Variants in MRPS18A observed in about 807,000 individuals in gnomAD.
The protein encoded by MRPS18A is large ribosomal subunit protein mL66.
A neutral mutation model predicts 22.7 loss-of-function variants in MRPS18A; 20 were observed. The observed-to-expected ratio is 0.88, with a 90% CI of 0.62 to 1.28. The LOEUF is 1.28. Ranked by LOEUF, MRPS18A falls within the 50% of genes most tolerant of loss-of-function variation. The pLI is 0.00. For synonymous variants in MRPS18A, 106 were observed against 99.1 expected, an observed-to-expected ratio of 1.07 and a Z score of -0.41; for missense variants, 294 against 262.6, an observed-to-expected ratio of 1.12 and a Z score of -0.83.
intron 2 of MRPS18A, among the ~76,000 whole-genome samples, chr6:43,679,599 T>C (rs1160711444): frequency 6.6e-6 from 1 of 152,134 alleles, no homozygotes; most frequent in Non-Finnish European, 1.5e-5. Context: ...GAGGGGAGTT[T>C]AGAAAGCCTG....
intron 1 of MRPS18A, among the ~76,000 whole-genome samples, chr6:43,685,403 G>A (rs1019292900): frequency 2.0e-5 from 3 of 152,190 alleles, no homozygotes; most frequent in African/African-American, 7.2e-5. Context: ...TTTTGGGCCA[G>A]ATGGTTCTTT....
intron 4 of MRPS18A, 81 bp downstream of exon 4, chr6:43,675,413 G>A: frequency 6.2e-7 from 1 of 1,610,350 alleles, no homozygotes; most frequent in Admixed American, 1.7e-5. Flanking sequence ...TTTCTTCCAG[G>A]AGGGGCTGAA....
Position 43,673,325 on chromosome 6 carries a change from A to G in MRPS18A, c.447-1419T>C, listed in dbSNP as rs1328986654. Among the ~76,000 whole-genome samples the G allele has an allele frequency of 6.6e-6, 1 of 152,132 alleles. No homozygotes were observed. Among genetic ancestry groups the G allele is most frequent in the Non-Finnish European group, 1.5e-5 (1 of 68,000 alleles). On this transcript the variant is annotated intron_variant, in intron 5 of 5. Coordinates refer to ENST00000372133, the MANE Select transcript of MRPS18A (RefSeq NM_018135.4). The surrounding 1 kb of genome is among the most constrained non-coding windows in gnomAD (Gnocchi z 4.2). ...TCTAGGTGACAGAAGAGTAAGGTAAAGGGAGGGGACCAGGGATGGCCCCTT... is the reference window on the plus strand; with the variant it reads ...TCTAGGTGACAGAAGAGTAAGGTAAGGGGAGGGGACCAGGGATGGCCCCTT...
chr6:43,672,142 C>T (rs1299966835), intron 5 of MRPS18A: 2 of 587,590 alleles, frequency 3.4e-6, no homozygotes, highest in Non-Finnish European at 6.2e-6. Flanking sequence ...CAGCCCAGGG[C>T]CACAAGCTCC....
chr6:43,675,637 G>T lies in MRPS18A; in HGVS notation c.253-20C>A, dbSNP rs758378864. ...AACATCCTAGTGGAAACCGAAAATAGGGGATGAGGGTCAGCTGGGCTTGCT... is the reference window on the plus strand; with the variant it reads ...AACATCCTAGTGGAAACCGAAAATATGGGATGAGGGTCAGCTGGGCTTGCT... On this transcript the variant is annotated intron_variant, in intron 3 of 5. Coordinates refer to ENST00000372133, the MANE Select transcript of MRPS18A (RefSeq NM_018135.4). The T allele has an allele frequency of 3.1e-6, 5 of 1,590,080 alleles. No individual in the cohort carries two copies. The highest frequency in any genetic ancestry group is 2.2e-5 in the East Asian group (1 of 44,626).
intron 2 of MRPS18A, among the ~76,000 whole-genome samples, chr6:43,680,240 T>TG (rs1774318054): frequency 7.1e-6 from 1 of 141,132 alleles, no homozygotes; most frequent in African/African-American, 2.7e-5. Context: ...CCTAAGGGGA[T>TG]TGGGGGGGGT....
At chr6:43,687,358 G>T (rs1300956609) in intron 1 of MRPS18A, among the ~76,000 whole-genome samples, 1 of 152,248 alleles carries the variant, frequency 6.6e-6, no homozygotes, top group Admixed American at 6.5e-5. Flanking sequence ...GAACATGGAA[G>T]GAAGAATTAA....
chr6:43,675,642 T>C, intron 3 of MRPS18A, 25 bp from the exon 4 acceptor site: 1 of 1,585,834 alleles, frequency 6.3e-7, no homozygotes, highest in Non-Finnish European at 8.6e-7. Context: ...AAATAGGGGA[T>C]GAGGGTCAGC....
Position 43,671,436 on chromosome 6 carries a change from G to A in MRPS18A, c.*326C>T. 4.6e-6 allele frequency: 2 copies of A among 433,166 alleles called. No individual in the cohort carries two copies. Among genetic ancestry groups the A allele is most frequent in the South Asian group, 5.2e-5 (2 of 38,320 alleles). The allele number at this position is 433,166 out of a possible 1,614,324, so 26.8% of individuals were successfully genotyped here. A position where few individuals can be genotyped will look rare whatever the true frequency, so the allele number is the denominator to read the frequency against. ...GGACCCCCTGCACTTCCCAAGCAGT[G>A]AGCGCACACCCAATGGGTAAGCCCA... On this transcript the variant is annotated 3_prime_UTR_variant, in exon 6 of 6. Coordinates refer to ENST00000372133, the MANE Select transcript of MRPS18A (RefSeq NM_018135.4).
intron 5 of MRPS18A, among the ~76,000 whole-genome samples, chr6:43,674,178 CAG>C (rs1364856766): frequency 1.3e-5 from 2 of 152,106 alleles, no homozygotes; most frequent in Non-Finnish European, 2.9e-5. Flanking sequence ...CCCCCAGGGA[CAG>C]AGAGGCAGGG....
intron 3 of MRPS18A, among the ~76,000 whole-genome samples, chr6:43,677,204 G>A (rs1363258397): frequency 6.6e-6 from 1 of 152,160 alleles, no homozygotes; most frequent in Non-Finnish European, 1.5e-5. Flanking sequence ...ACTTCCGCAT[G>A]GTGAGCGGCT....
intron 2 of MRPS18A, among the ~76,000 whole-genome samples, chr6:43,679,489 A>T (rs1774265428): frequency 6.6e-6 from 1 of 152,236 alleles, no homozygotes; most frequent in Admixed American, 6.5e-5. Flanking sequence ...GCTGAGGCCA[A>T]GTGCGAAATG....
chr6:43,672,137 C>A, intron 5 of MRPS18A: 1 of 593,826 alleles, frequency 1.7e-6, no homozygotes, highest in South Asian at 2.1e-5. Context: ...TCAGGCAGCC[C>A]AGGGCCACAA....
chr6:43,676,539 G>A (rs887609781), intron 3 of MRPS18A, among the ~76,000 whole-genome samples: 1 of 152,170 alleles, frequency 6.6e-6, no homozygotes, highest in South Asian at 2.1e-4. Flanking sequence ...CCTGGGACAG[G>A]TCAAAGGAAT....
rs754771287 is a variant in MRPS18A, at chr6:43,672,381, C to G, written c.447-475G>C. 1.7e-4 allele frequency: 81 copies of G among 471,762 alleles called. 3 individuals carry two copies. Among genetic ancestry groups the G allele is most frequent in the South Asian group, 1.1e-3 (71 of 64,574 alleles). 29.2% of individuals were successfully genotyped at this position (471,762 alleles called of 1,614,324 possible). A position where few individuals can be genotyped will look rare whatever the true frequency, so the allele number is the denominator to read the frequency against. ...ACTGGTATAAGACCCCTGCCCCTCA[C>G]CCAACCTGTGATGGGAATCAAGGGG... On this transcript the variant is annotated intron_variant, in intron 5 of 5. Coordinates refer to ENST00000372133, the MANE Select transcript of MRPS18A (RefSeq NM_018135.4).
chr6:43,686,086 G>A (rs1774679197), intron 1 of MRPS18A, among the ~76,000 whole-genome samples: 2 of 152,140 alleles, frequency 1.3e-5, no homozygotes, highest in Admixed American at 6.5e-5. Context: ...TTAAAGATAT[G>A]TACCACTGTA....
chr6:43,687,214 C>T (rs946513952), intron 1 of MRPS18A, among the ~76,000 whole-genome samples: 1 of 152,086 alleles, frequency 6.6e-6, no homozygotes, highest in Non-Finnish European at 1.5e-5. Context: ...GACTAGCGGC[C>T]CGGGGCAGAG....
Position 43,675,601 on chromosome 6 carries a change from C to T in MRPS18A, c.269G>A (p.Ser90Asn). 1 of 1,612,380 alleles carries T rather than the reference C, an allele frequency of 6.2e-7. No individual in the cohort carries two copies. ...KYNYDDVLLL[S>N]QFIRPHGGML... ...GCCTCCATGAGGCCGGATGAACTGG[C>T]TAAGCAGCAGAACATCCTAGTGGAA... The change falls in exon 4 of 6, where the codon AGC becomes AAC. Residue 90 changes from serine (S) to asparagine (N), a missense_variant. Physicochemically the swap from Ser to Asn is conservative, Grantham distance 46. Coordinates refer to ENST00000372133, the MANE Select transcript of MRPS18A (RefSeq NM_018135.4).
rs763372831 is a variant in MRPS18A, at chr6:43,671,894, G to A, written c.459C>T (p.Arg153=). The A allele has an allele frequency of 3.1e-6, 5 of 1,610,280 alleles. No individual in the cohort carries two copies. In the South Asian group the frequency reaches 5.5e-5, roughly 18 times the overall value. Residue 153 remains arginine (R), a synonymous_variant, in exon 6 of 6, where the codon CGC becomes CGT. Coordinates refer to ENST00000372133, the MANE Select transcript of MRPS18A (RefSeq NM_018135.4). The part of the protein sequence containing the change: ...SKPQLNRYLT[R]WAPGSVKPIY... ...TGGGCTTGACGGAGCCAGGAGCCCA[G>A]CGCGTCAGGTACCTGTGGAGGGAGA...
Sources: gnomAD v4.1 joint callset for allele counts (sites outside exome capture counted in the v4.1 genomes callset) on GRCh38, gnomAD v4.1.1 for gene constraint, Gnocchi (gnomAD v3.1) non-coding constraint, MANE v1.5 for transcripts, NCBI Gene and HGNC (gene_info 2026-07-23, HGNC 2026-07-21) for gene names.